EBF4: variants seen among roughly 807,000 people sequenced by gnomAD.
EBF4 encodes the protein EBF transcription factor 4, also known as transcription factor COE4.
EBF4 carries 34 observed loss-of-function variants against 67.1 expected under a neutral mutation model. The observed-to-expected ratio is 0.51, with a 90% CI of 0.39 to 0.67. The LOEUF is 0.67. Ranked by LOEUF, EBF4 falls within the 30% of genes least tolerant of loss-of-function variation. The probability of loss-of-function intolerance (pLI) is 0.00; values close to 1 mark genes in which losing one functional copy is unlikely to be tolerated. For missense variants in EBF4, 837 were observed against 873.3 expected (o/e 0.96, Z 0.52); for synonymous variants, 387 against 377.7 (o/e 1.02, Z -0.29).
chr20:2,697,629 C>T (rs1035794080), intron 1 of EBF4, among the ~76,000 whole-genome samples: 11 of 152,096 alleles, frequency 7.2e-5, no homozygotes, highest in East Asian at 1.9e-4. Context: ...GGGATGGGAA[C>T]GCTGGTGGAG....
At chr20:2,715,949 A>C (rs549318381) in intron 6 of EBF4, among the ~76,000 whole-genome samples, 9 of 152,022 alleles carry the variant, frequency 5.9e-5, no homozygotes, top group African/African-American at 2.2e-4. Context: ...GGATTTCGCC[A>C]TGTTGGCCAG....
intron 5 of EBF4, 65 bp downstream of exon 5, chr20:2,708,085 G>A: frequency 1.3e-6 from 2 of 1,505,606 alleles, no homozygotes. Flanking sequence ...CTCTACCCAG[G>A]CCCTGCCCCC....
chr20:2,755,458 G>C lies in EBF4; in HGVS notation c.1541-169G>C, dbSNP rs13042767. 0.064 allele frequency: 38,333 copies of C among 600,136 alleles called. 1,793 individuals are homozygous for C. The highest frequency in any genetic ancestry group is 0.17 in the East Asian group (5,921 of 35,836). The allele number at this position is 600,136 out of a possible 1,614,324, so 37.2% of individuals were successfully genotyped here. A position where few individuals can be genotyped will look rare whatever the true frequency, so the allele number is the denominator to read the frequency against. ...AAAAGGTCTCCAGAACCGCTGAGAG[G>C]TCAGGGCTGGCCCAGGACCCTCACA... On this transcript the variant is annotated intron_variant, in intron 14 of 16. Coordinates refer to ENST00000609451, the Ensembl canonical transcript of EBF4. The surrounding 1 kb of genome is among the most constrained non-coding windows in gnomAD (Gnocchi z 4.7).
rs1318868416 is a variant in EBF4, at chr20:2,696,895, C to T, written c.137+3113C>T. Among the ~76,000 whole-genome samples, 5 of 152,194 alleles carry T rather than the reference C, an allele frequency of 3.3e-5. No individual in the cohort carries two copies. Among genetic ancestry groups the T allele is most frequent in the African/African-American group, 1.2e-4 (5 of 41,446 alleles). ...GTCCTCCTTGCCCTGCCAGCTGGGG[C>T]CTTCCCCTAAGGCAAGGGTAGCGGT... On this transcript the variant is annotated intron_variant, in intron 1 of 16. Transcript: ENST00000609451. The surrounding 1 kb of genome is among the most constrained non-coding windows in gnomAD (Gnocchi z 4.7).
chr20:2,712,692 G>T (rs2146403072), intron 6 of EBF4, among the ~76,000 whole-genome samples: 1 of 152,270 alleles, frequency 6.6e-6, no homozygotes, highest in South Asian at 2.1e-4. Context: ...ATAGCAAACA[G>T]AAGAGGCCTA....
chr20:2,744,447 G>T (rs1230430658), intron 6 of EBF4, among the ~76,000 whole-genome samples: 1 of 146,644 alleles, frequency 6.8e-6, no homozygotes, highest in Non-Finnish European at 1.5e-5. Context: ...AGCCACATAT[G>T]TATGTAAATA....
chr20:2,723,884 C>T (rs6051337), intron 6 of EBF4, among the ~76,000 whole-genome samples: 52,700 of 151,744 alleles, frequency 0.35, 10,579 homozygotes, highest in African/African-American at 0.56. Flanking sequence ...TTTTCATTTC[C>T]TGTCATTTAA....
intron 15 of EBF4, among the ~76,000 whole-genome samples, chr20:2,758,617 G>A (rs975500360): frequency 4.6e-5 from 7 of 152,148 alleles, no homozygotes; most frequent in African/African-American, 1.4e-4. Context: ...ATGGCCATGC[G>A]CTTGAGGAAG....
At position 2,705,987 on chromosome 20, in the gene EBF4, AAAAGACTAACAATGGGATCC is replaced by A; in HGVS notation, c.310_329del (p.Lys104LeufsTer8). On this transcript the variant is annotated frameshift_variant, in exon 3 of 17. Transcript: ENST00000609451. LOFTEE classifies it high-confidence loss of function. Reference sequence around the variant, plus strand: ...TTGTCCCTGCAGGAGCCCGGGGCGGAAAAGACTAACAATGGGATCCATTACCGCCTCCGGCTGGTGTATAA... The same window carrying A: ...TTGTCCCTGCAGGAGCCCGGGGCGGAATTACCGCCTCCGGCTGGTGTATAA... 6.4e-7 allele frequency: 1 copy of A among 1,551,484 alleles called. No homozygotes were observed. Among genetic ancestry groups the A allele is most frequent in the Non-Finnish European group, 8.7e-7 (1 of 1,146,924 alleles).
chr20:2,749,764 C>A lies in EBF4; in HGVS notation c.891+11C>A. The A allele has an allele frequency of 6.7e-7, 1 of 1,490,200 alleles. No homozygotes were observed. Among genetic ancestry groups the A allele is most frequent in the Non-Finnish European group, 8.9e-7 (1 of 1,119,592 alleles). 92.3% of individuals were successfully genotyped at this position (1,490,200 alleles called of 1,614,324 possible). On this transcript the variant is annotated intron_variant, in intron 9 of 16. Coordinates refer to ENST00000609451, the Ensembl canonical transcript of EBF4. The stretch of plus-strand genomic sequence containing the variant: ...CTCGTGTGGAGCGAGGTGGGCCAAC[C>A]CCGCCAGTCTCCCTCTGGGCCTAGG...
chr20:2,727,536 A>G (rs568015728), intron 6 of EBF4, among the ~76,000 whole-genome samples: 66 of 152,228 alleles, frequency 4.3e-4, no homozygotes, highest in Non-Finnish European at 7.5e-4. Context: ...AAATCCACAT[A>G]TAAGTGTACC....
At chr20:2,704,866 G>T (rs1163445692) in intron 1 of EBF4, among the ~76,000 whole-genome samples, 1 of 152,206 alleles carries the variant, frequency 6.6e-6, no homozygotes, top group African/African-American at 2.4e-5. Context: ...CCTTCCTCCT[G>T]CTCTCACTCT....
At chr20:2,738,502 TCCACACAGGC>T (rs2087921899) in intron 6 of EBF4, among the ~76,000 whole-genome samples, 1 of 152,152 alleles carries the variant, frequency 6.6e-6, no homozygotes, top group Non-Finnish European at 1.5e-5. Flanking sequence ...TACATCTGTG[TCCACACAGGC>T]ACACCATGGT....
chr20:2,705,516 C>T lies in EBF4; in HGVS notation c.138-61C>T, dbSNP rs368928307. ...GCTAGCATGCCTGCCTGGCCCGAGGCGCTGGAGTCTTTCTCACTGGGGGGC... is the reference window on the plus strand; with the variant it reads ...GCTAGCATGCCTGCCTGGCCCGAGGTGCTGGAGTCTTTCTCACTGGGGGGC... On this transcript the variant is annotated intron_variant, in intron 1 of 16. Coordinates refer to ENST00000609451, the Ensembl canonical transcript of EBF4. 5.5e-3 allele frequency: 8,448 copies of T among 1,549,356 alleles called. 34 individuals are homozygous for T. The highest frequency in any genetic ancestry group is 6.9e-3 in the Non-Finnish European group (7,867 of 1,145,122).
At chr20:2,729,975 G>T (rs1372916982) in intron 6 of EBF4, among the ~76,000 whole-genome samples, 1 of 152,204 alleles carries the variant, frequency 6.6e-6, no homozygotes, top group East Asian at 1.9e-4. Context: ...CCACTCTGTG[G>T]CAAGGACACA....
chr20:2,704,492 G>C (rs539795929), intron 1 of EBF4, among the ~76,000 whole-genome samples: 2 of 152,102 alleles, frequency 1.3e-5, no homozygotes, highest in Non-Finnish European at 2.9e-5. Context: ...CTTTCACTTC[G>C]CTTTTTGACA....
At chr20:2,753,763 T>A (rs1313514838) in intron 14 of EBF4, among the ~76,000 whole-genome samples, 1 of 152,228 alleles carries the variant, frequency 6.6e-6, no homozygotes, top group African/African-American at 2.4e-5. Context: ...GGCTGAAGGC[T>A]TGAGCCTGGC....
Position 2,739,086 on chromosome 20 carries a change from G to A in EBF4, c.558-9463G>A, listed in dbSNP as rs111365175. ...GCAGGCTAAGACCAGGAAGCAGCCT[G>A]GGCCAACCCCACATGGGCCTGAACT... On this transcript the variant is annotated intron_variant, in intron 6 of 16. Coordinates refer to ENST00000609451, the Ensembl canonical transcript of EBF4. The surrounding 1 kb of genome is among the most constrained non-coding windows in gnomAD (Gnocchi z 4.5). Among the ~76,000 whole-genome samples, 1,408 of 152,274 alleles carry A rather than the reference G, an allele frequency of 9.2e-3. 28 individuals carry two copies. Among genetic ancestry groups the A allele is most frequent in the African/African-American group, 0.032 (1,342 of 41,566 alleles).
intron 6 of EBF4, among the ~76,000 whole-genome samples, chr20:2,715,822 C>T (rs900041487): frequency 3.9e-5 from 6 of 152,210 alleles, no homozygotes; most frequent in Non-Finnish European, 8.8e-5. Flanking sequence ...AATCTCGGCT[C>T]ACTGCAACCT....
Sources: allele counts gnomAD v4.1 joint callset (sites outside exome capture counted in the v4.1 genomes callset), GRCh38; gene constraint gnomAD v4.1.1; non-coding constraint Gnocchi (gnomAD v3.1); transcripts MANE v1.5; gene names NCBI Gene and HGNC (gene_info 2026-07-23, HGNC 2026-07-21).